A1CF: variants seen among roughly 807,000 people sequenced by gnomAD.
A1CF encodes the protein APOBEC1 complementation factor.
Under a neutral mutation model 68.9 loss-of-function variants are expected in A1CF, and 48 were observed. The ratio of observed to expected loss-of-function variants is 0.70; its 90% CI spans 0.55 to 0.89. The LOEUF (loss-of-function observed/expected upper bound fraction) is 0.89, where lower values mean the gene tolerates loss of function less well. Ranked by LOEUF, A1CF falls within the 40% of genes least tolerant of loss-of-function variation. A1CF has a pLI of 0.00. For missense variants in A1CF, 653 were observed against 718.9 expected (o/e 0.91, Z 1.05); for synonymous variants, 272 against 260.4 (o/e 1.04, Z -0.43).
intron 3 of A1CF, among the ~76,000 whole-genome samples, chr10:50,855,508 CTCT>C (rs1469413529): frequency 1.3e-5 from 2 of 151,920 alleles, no homozygotes; most frequent in Non-Finnish European, 2.9e-5. Context: ...TACATTATAT[CTCT>C]TTTTTCTCTA....
intron 7 of A1CF, 48 bp downstream of exon 7, chr10:50,828,083 C>T (rs1839054743): frequency 1.4e-6 from 2 of 1,427,674 alleles, no homozygotes; most frequent in Non-Finnish European, 9.4e-7. Context: ...CAAGACTAAA[C>T]CAGGACAAAG....
chr10:50,839,540 G>A (rs1839675034), intron 5 of A1CF, among the ~76,000 whole-genome samples: 1 of 152,166 alleles, frequency 6.6e-6, no homozygotes, highest in African/African-American at 2.4e-5. Context: ...AAGGAACCTG[G>A]GCTGGACCCC....
At chr10:50,855,066 A>G (rs1267836820) in intron 3 of A1CF, among the ~76,000 whole-genome samples, 1 of 151,914 alleles carries the variant, frequency 6.6e-6, no homozygotes, top group Non-Finnish European at 1.5e-5. Flanking sequence ...ATGTCAACAG[A>G]CACCACGTTG....
At position 50,806,849 on chromosome 10, in the gene A1CF, C is replaced by A; in HGVS notation, c.1641G>T (p.Val547=). 2 of 1,612,974 alleles carry A rather than the reference C, an allele frequency of 1.2e-6. No individual in the cohort carries two copies. Among genetic ancestry groups the A allele is most frequent in the South Asian group, 1.1e-5 (1 of 90,920 alleles). The change falls in exon 13 of 13, where the codon GTG becomes GTT. Residue 547 remains valine (V), a synonymous_variant. Transcript: ENST00000373997. ...CCGCTTGCTTGAGCTGGGCTGCAGACACGGGTGCAGTTGCATTAGGGACAG... is the reference window on the plus strand; with the variant it reads ...CCGCTTGCTTGAGCTGGGCTGCAGAAACGGGTGCAGTTGCATTAGGGACAG... The part of the protein sequence containing the change: ...GYAVPNATAP[V]SAAQLKQAVT...
rs1436665801 is a variant in A1CF at position 50,864,079 on chromosome 10, A to T, written c.-92T>A. 3.9e-5 allele frequency: 6 copies of T among 152,164 alleles called. No homozygotes were observed. In the East Asian group the frequency reaches 9.6e-4, roughly 24 times the overall value. The allele number at this position is 152,164 out of a possible 1,614,324, so 9.4% of individuals were successfully genotyped here. On this transcript the variant is annotated splice_region_variant and 5_prime_UTR_variant, in exon 2 of 13. Transcript: ENST00000373997. ...CACAGGTTTTTGGCACAGCACTGTT[A>T]TCTAGTTGAGGATGGGTGAGAGCAG...
intron 10 of A1CF, among the ~76,000 whole-genome samples, chr10:50,812,999 T>C (rs1262069668): frequency 1.3e-5 from 2 of 152,222 alleles, no homozygotes; most frequent in Non-Finnish European, 2.9e-5. Flanking sequence ...AGTTTTCTTC[T>C]GGATTGAAAT....
At chr10:50,809,806 A>G (rs200605730) in intron 12 of A1CF, 88 bp downstream of exon 12, 24 of 1,564,146 alleles carry the variant, frequency 1.5e-5, no homozygotes, top group Non-Finnish European at 2.0e-5. Flanking sequence ...AGTAGGGTAC[A>G]CAAACATTTC....
intron 3 of A1CF, among the ~76,000 whole-genome samples, chr10:50,847,299 C>A (rs979422377): frequency 1.3e-5 from 2 of 152,174 alleles, no homozygotes; most frequent in African/African-American, 4.8e-5. Flanking sequence ...GGTGGAAAGT[C>A]TTCACCTATG....
chr10:50,834,314 A>G lies in A1CF; in HGVS notation c.604+1760T>C, dbSNP rs551114494. 2.2e-4 allele frequency among the ~76,000 whole-genome samples: 34 copies of G among 152,304 alleles called. No individual in the cohort carries two copies. The South Asian group carries it at 6.6e-3, about 30-fold the overall frequency. On this transcript the variant is annotated intron_variant, in intron 6 of 12. Transcript: ENST00000373997. ...ATGGCTTCCTGCATTGAGGGAGGAAAGTGACTAATTCGGGCTGGAATACTG... is the reference window on the plus strand; with the variant it reads ...ATGGCTTCCTGCATTGAGGGAGGAAGGTGACTAATTCGGGCTGGAATACTG...
intron 3 of A1CF, among the ~76,000 whole-genome samples, chr10:50,854,222 A>G (rs1182598724): frequency 6.6e-6 from 1 of 152,024 alleles, no homozygotes; most frequent in Admixed American, 6.6e-5. Context: ...CTTAGAGATT[A>G]TACTTTGTTA....
chr10:50,810,380 A>G (rs1291249043), intron 11 of A1CF, among the ~76,000 whole-genome samples: 1 of 152,212 alleles, frequency 6.6e-6, no homozygotes, highest in Non-Finnish European at 1.5e-5. Flanking sequence ...CAGAGAGGTC[A>G]TATCTTTGGT....
intron 1 of A1CF, among the ~76,000 whole-genome samples, chr10:50,873,859 A>C (rs974073113): frequency 6.6e-6 from 1 of 152,194 alleles, no homozygotes; most frequent in Non-Finnish European, 1.5e-5. Flanking sequence ...AGAGAAAAGA[A>C]AAACTATATC....
Position 50,816,046 on chromosome 10 carries a change from A to G in A1CF, c.1101T>C (p.His367=). 1.2e-6 allele frequency: 2 copies of G among 1,613,764 alleles called. No homozygotes were observed. The highest frequency in any genetic ancestry group is 1.7e-6 in the Non-Finnish European group (2 of 1,179,786). The change falls in exon 9 of 13, where the codon CAT becomes CAC. Residue 367 remains histidine, a synonymous_variant. Transcript: ENST00000373997. Reference sequence around the variant, plus strand: ...CTCGGATAATGGCTCTGTTGCTGAGATGTCCTTTGGTGGCTGGGAAATGAA... The same window carrying G: ...CTCGGATAATGGCTCTGTTGCTGAGGTGTCCTTTGGTGGCTGGGAAATGAA... ...PSLHFPATKG[H]LSNRAIIRAP...
chr10:50,809,961 C>G lies in A1CF; in HGVS notation c.1542G>C (p.Leu514=). The change falls in exon 12 of 13, where the codon CTG becomes CTC. Residue 514 remains leucine (L), a synonymous_variant. Coordinates refer to ENST00000373997, the MANE Select transcript of A1CF (RefSeq NM_014576.4). ...TYAAEYTLQT[L]GIPTDGGDGT... ...CATCGCCTCCATCAGTGGGGATGCCCAGGGTCTGCAGGGTGTATTCGGCTG... is the reference window on the plus strand; with the variant it reads ...CATCGCCTCCATCAGTGGGGATGCCGAGGGTCTGCAGGGTGTATTCGGCTG... 3 of 1,614,010 alleles carry G rather than the reference C, an allele frequency of 1.9e-6. No individual in the cohort carries two copies. In the African/African-American group the frequency reaches 4.0e-5, roughly 22 times the overall value.
chr10:50,850,844 C>A (rs1377753541), intron 3 of A1CF: 2 of 1,571,300 alleles, frequency 1.3e-6, no homozygotes, highest in Non-Finnish European at 1.7e-6. Context: ...TTTAGTCATT[C>A]CTTAATCCGT....
chr10:50,818,031 A>G (rs779967263), intron 8 of A1CF, among the ~76,000 whole-genome samples: 1 of 152,160 alleles, frequency 6.6e-6, no homozygotes, highest in Non-Finnish European at 1.5e-5. Flanking sequence ...TTGGAAGCTT[A>G]TAATGACTTG....
chr10:50,817,938 A>G (rs921052400), intron 8 of A1CF, among the ~76,000 whole-genome samples: 6 of 152,348 alleles, frequency 3.9e-5, no homozygotes, highest in African/African-American at 9.6e-5. Context: ...AAAAGAATAA[A>G]TGAATAATCA....
intron 3 of A1CF, among the ~76,000 whole-genome samples, chr10:50,856,441 A>G (rs1220767362): frequency 6.6e-6 from 1 of 152,090 alleles, no homozygotes; most frequent in African/African-American, 2.4e-5. Flanking sequence ...ACATTATTGA[A>G]GCACTTCTGA....
chr10:50,859,693 A>G, intron 3 of A1CF, 149 bp downstream of exon 3: 1 of 644,280 alleles, frequency 1.6e-6, no homozygotes, highest in East Asian at 2.8e-5. Flanking sequence ...ACAAAACAGA[A>G]ATGTTGCAAT....
Sources: allele counts gnomAD v4.1 joint callset (sites outside exome capture counted in the v4.1 genomes callset), GRCh38; gene constraint gnomAD v4.1.1; transcripts MANE v1.5; gene names NCBI Gene and HGNC (gene_info 2026-07-23, HGNC 2026-07-21).